ANKRD11: variants seen among roughly 807,000 people sequenced by gnomAD.
ANKRD11 encodes the protein ankyrin repeat domain-containing protein 11.
A neutral mutation model predicts 195.7 loss-of-function variants in ANKRD11; 17 were observed. That is an observed-to-expected ratio of 0.09 (90% CI 0.06 to 0.13). ANKRD11 has a LOEUF of 0.13. Ranked by LOEUF, ANKRD11 falls within the 10% of genes least tolerant of loss-of-function variation. The probability of loss-of-function intolerance (pLI) is 1.00; values close to 1 mark genes in which losing one functional copy is unlikely to be tolerated. For synonymous variants in ANKRD11, 1,953 were observed against 1,528.1 expected (o/e 1.28, Z -6.49); for missense variants, 3,735 against 3,566.1 (o/e 1.05, Z -1.21).
At chr16:89,292,427 C>T (rs573748641) in intron 4 of ANKRD11, among the ~76,000 whole-genome samples, 59 of 152,320 alleles carry the variant, frequency 3.9e-4, no homozygotes, top group African/African-American at 1.4e-3. Flanking sequence ...CACCATGGTC[C>T]CCGTGAATGT....
At chr16:89,463,493 A>C (rs908668516) in intron 1 of ANKRD11, among the ~76,000 whole-genome samples, 19 of 152,146 alleles carry the variant, frequency 1.2e-4, no homozygotes, top group African/African-American at 4.6e-4. Context: ...AAGAGTCATC[A>C]CCACTCCCTA....
At chr16:89,312,640 T>C (rs570518324) in intron 3 of ANKRD11, among the ~76,000 whole-genome samples, 117 of 41,970 alleles carry the variant, frequency 2.8e-3, no homozygotes, top group African/African-American at 0.012. Context: ...CACGAGCCCA[T>C]GTGGGCCCAC....
intron 1 of ANKRD11, among the ~76,000 whole-genome samples, chr16:89,474,721 A>G (rs1446972374): frequency 6.6e-6 from 1 of 152,200 alleles, no homozygotes; most frequent in African/African-American, 2.4e-5. Context: ...CTGAACTCAC[A>G]GCTTCAATTA....
chr16:89,288,100 T>C, intron 7 of ANKRD11: 1 of 573,946 alleles, frequency 1.7e-6, no homozygotes, highest in Non-Finnish European at 3.1e-6. Context: ...TTTCTAAAGC[T>C]TGAGTCTATG....
intron 1 of ANKRD11, among the ~76,000 whole-genome samples, chr16:89,432,236 TACACACACACAC>T (rs59807718): frequency 7.1e-4 from 102 of 142,940 alleles, no homozygotes; most frequent in East Asian, 1.9e-3. Context: ...CGTGATGCAG[TACACACACACAC>T]ACACACACAC....
At chr16:89,322,055 G>T (rs2080551340) in intron 2 of ANKRD11, among the ~76,000 whole-genome samples, 1 of 152,190 alleles carries the variant, frequency 6.6e-6, no homozygotes, top group Non-Finnish European at 1.5e-5. Context: ...GTGTGTGACT[G>T]GCTTTATGTG....
At chr16:89,308,206 A>G (rs1216372990) in intron 3 of ANKRD11, among the ~76,000 whole-genome samples, 1 of 152,262 alleles carries the variant, frequency 6.6e-6, no homozygotes, top group Non-Finnish European at 1.5e-5. Flanking sequence ...AGACAACACA[A>G]ATGATAGGAA....
At chr16:89,277,559 G>A (rs1432760231) in intron 9 of ANKRD11, 1 of 152,290 alleles carries the variant, frequency 6.6e-6, no homozygotes, top group Non-Finnish European at 1.5e-5. Flanking sequence ...AAGATCAGAA[G>A]GTCTTACTGA....
At chr16:89,329,330 G>A (rs2037922909) in intron 2 of ANKRD11, among the ~76,000 whole-genome samples, 1 of 152,180 alleles carries the variant, frequency 6.6e-6, no homozygotes, top group African/African-American at 2.4e-5. Context: ...GCGAAGGTGG[G>A]GAAGGGCACA....
intron 2 of ANKRD11, among the ~76,000 whole-genome samples, chr16:89,393,906 A>G (rs1487300182): frequency 6.6e-6 from 1 of 152,234 alleles, no homozygotes; most frequent in Non-Finnish European, 1.5e-5. Flanking sequence ...AAAGCCAAAA[A>G]GTCACGAAGA....
chr16:89,356,653 T>C (rs1192788495), intron 2 of ANKRD11, among the ~76,000 whole-genome samples: 3 of 145,918 alleles, frequency 2.1e-5, no homozygotes, highest in African/African-American at 7.6e-5. Flanking sequence ...TGGTGGTGGG[T>C]GCCTGTAGTC....
intron 1 of ANKRD11, among the ~76,000 whole-genome samples, chr16:89,468,562 G>A (rs932524474): frequency 3.3e-5 from 5 of 152,118 alleles, no homozygotes; most frequent in Non-Finnish European, 7.4e-5. Context: ...AAAATTAGCC[G>A]AGCGCGGTGG....
chr16:89,280,853 C>G lies in ANKRD11; in HGVS notation c.5689G>C (p.Glu1897Gln). The G allele has an allele frequency of 1.2e-6, 2 of 1,603,622 alleles. No homozygotes were observed. Among genetic ancestry groups the G allele is most frequent in the Non-Finnish European group, 1.7e-6 (2 of 1,172,204 alleles). The change falls in exon 9 of 13, where the codon GAG (glutamate) becomes CAG (glutamine). Residue 1897 changes from glutamate (E) to glutamine (Q), a missense_variant. Coordinates refer to ENST00000301030, the MANE Select transcript of ANKRD11 (RefSeq NM_013275.6). ...QAKPSPSPRA[E>Q]LLVPSLEGAL... ...CCTTCGAGGGAAGGAACCAGCAGCTCGGCTCTGGGGGAAGGGGAAGGTTTT... is the reference window on the plus strand; with the variant it reads ...CCTTCGAGGGAAGGAACCAGCAGCTGGGCTCTGGGGGAAGGGGAAGGTTTT...
intron 1 of ANKRD11, among the ~76,000 whole-genome samples, chr16:89,425,214 A>G (rs77225628): frequency 0.019 from 2,923 of 152,230 alleles, 97 homozygotes; most frequent in African/African-American, 0.067. Context: ...CCCTTTGCAC[A>G]TGAGAAAACT....
At chr16:89,409,011 A>G (rs1476957012) in intron 2 of ANKRD11, among the ~76,000 whole-genome samples, 1 of 152,194 alleles carries the variant, frequency 6.6e-6, no homozygotes, top group Non-Finnish European at 1.5e-5. Flanking sequence ...CTCTGGGAGC[A>G]AAACCAAAAA....
chr16:89,420,046 G>A (rs1230465054), intron 1 of ANKRD11: 1 of 152,258 alleles, frequency 6.6e-6, no homozygotes, highest in African/African-American at 2.4e-5. Context: ...ATGGTGGCGT[G>A]CGCCTGTAGC....
chr16:89,294,457 C>A (rs185716930), intron 4 of ANKRD11, among the ~76,000 whole-genome samples: 62 of 152,312 alleles, frequency 4.1e-4, no homozygotes, highest in African/African-American at 1.2e-3. Context: ...GAAACAAGCA[C>A]CTGCAGCTAC....
intron 2 of ANKRD11, among the ~76,000 whole-genome samples, chr16:89,396,710 G>A (rs773813003): frequency 3.3e-5 from 5 of 152,012 alleles, no homozygotes; most frequent in Admixed American, 6.6e-5. Context: ...TTTTTGGGAC[G>A]GAGTTTTACT....
At chr16:89,274,403 C>A (rs2033459803) in intron 11 of ANKRD11, among the ~76,000 whole-genome samples, 10 of 152,210 alleles carry the variant, frequency 6.6e-5, no homozygotes, top group Admixed American at 6.5e-4. Flanking sequence ...CCCCTGGGGC[C>A]TGTGCTGTGA....
Sources: gnomAD v4.1 joint callset for allele counts (sites outside exome capture counted in the v4.1 genomes callset) on GRCh38, gnomAD v4.1.1 for gene constraint, MANE v1.5 for transcripts, NCBI Gene and HGNC (gene_info 2026-07-23, HGNC 2026-07-21) for gene names.